TNK1: variants seen among roughly 807,000 people sequenced by gnomAD.
TNK1 encodes tyrosine kinase non receptor 1.
TNK1 carries 53 observed loss-of-function variants against 65.2 expected under a neutral mutation model. That is an observed-to-expected ratio of 0.81 (90% CI 0.65 to 1.02). The LOEUF (loss-of-function observed/expected upper bound fraction) is 1.02. TNK1 is among the 50% of genes least tolerant of loss of function. The pLI, the probability that TNK1 is intolerant of heterozygous loss-of-function variation, is 0.00. For missense variants in TNK1, 837 were observed against 878.4 expected (o/e 0.95, Z 0.60); for synonymous variants, 353 against 364.6 (o/e 0.97, Z 0.36).
In TNK1 at chr17:7,382,351, A is replaced by G. The variant is rs780495064; in HGVS notation, c.-91-485A>G. The stretch of plus-strand genomic sequence containing the variant: ...GTAGGTCTCAGTGTGTGTGTGTGGC[A>G]GCATGTGGGAGGCAGTGTACCTTCG... On this transcript the variant is annotated intron_variant, in intron 1 of 12. Coordinates refer to ENST00000688331, the MANE Select transcript of TNK1 (RefSeq NM_003985.6). This position sits in a 1 kb window ranked among gnomAD's most constrained non-coding sequence, Gnocchi z 4.1. Among the ~76,000 whole-genome samples the G allele has an allele frequency of 5.3e-5, 8 of 151,722 alleles. No individual in the cohort carries two copies. Among genetic ancestry groups the G allele is most frequent in the African/African-American group, 1.5e-4 (6 of 41,286 alleles).
chr17:7,386,794 G>C, intron 8 of TNK1, 139 bp downstream of exon 8: 1 of 1,095,432 alleles, frequency 9.1e-7, no homozygotes, highest in Non-Finnish European at 1.3e-6. Context: ...GGTCCTGAAA[G>C]CTCCAGCATG....
At position 7,383,286 on chromosome 17, in the gene TNK1, G is replaced by A. The variant is rs374420688; in HGVS notation, c.200G>A (p.Arg67His). ...CTGTCCGAAGCTCTGAAAAGGCTACGTTCTGGGCCTAAGTCTAAGAACTGG... is the reference window on the plus strand; with the variant it reads ...CTGTCCGAAGCTCTGAAAAGGCTACATTCTGGGCCTAAGTCTAAGAACTGG... ...RRLSEALKRLRSGPKSKNWVY... is the reference protein window; with the variant it reads ...RRLSEALKRLHSGPKSKNWVY... Residue 67 changes from arginine (R) to histidine (H), a missense_variant, in exon 3 of 13, where the codon CGT (arginine) becomes CAT (histidine). Arg to His is a conservative substitution (Grantham distance 29). Coordinates refer to ENST00000688331, the MANE Select transcript of TNK1 (RefSeq NM_003985.6). The A allele has an allele frequency of 1.4e-5, 22 of 1,613,926 alleles. No individual in the cohort carries two copies. Among genetic ancestry groups the A allele is most frequent in the Admixed American group, 3.3e-5 (2 of 59,998 alleles).
chr17:7,380,595 C>T (rs923571996), upstream of TNK1: 3 of 152,312 alleles, frequency 2.0e-5, no homozygotes, highest in Non-Finnish European at 2.9e-5. Flanking sequence ...GCATCAACAT[C>T]TCTCTGCCCT....
At position 7,383,007 on chromosome 17, in the gene TNK1, TGAG is replaced by T. The variant is rs766030944; in HGVS notation, c.85_87del (p.Glu29del). 13 of 1,613,648 alleles carry T rather than the reference TGAG, an allele frequency of 8.1e-6. No individual in the cohort carries two copies. The highest frequency in any genetic ancestry group is 1.7e-5 in the Admixed American group (1 of 59,978). ...TGGCCCAGTTTTACTGGCCCATCCT[TGAG>T]GAGCTTAATGTCACTCGGCCAGAGC... On this transcript the variant is annotated inframe_deletion, in exon 2 of 13. Coordinates refer to ENST00000688331, the MANE Select transcript of TNK1 (RefSeq NM_003985.6).
In TNK1 at chr17:7,388,830, A is replaced by C; in HGVS notation, c.1819A>C (p.Thr607Pro). The C allele has an allele frequency of 1.2e-6, 2 of 1,608,120 alleles. No homozygotes were observed. The highest frequency in any genetic ancestry group is 1.7e-6 in the Non-Finnish European group (2 of 1,177,230). Reference protein sequence around the residue: ...VHGVTHQECQTALGATGGDVV... With the variant: ...VHGVTHQECQPALGATGGDVV... ...TGGGGTCACCCACCAGGAGTGCCAG[A>C]CAGCACTAGGAGCCACTGGGGGAGA... The change falls in exon 12 of 13, where the codon ACA (threonine) becomes CCA (proline). Residue 607 changes from threonine to proline, a missense_variant. Thr to Pro is a conservative substitution (Grantham distance 38). Coordinates refer to ENST00000688331, the MANE Select transcript of TNK1 (RefSeq NM_003985.6). The surrounding 1 kb of genome is among the most constrained non-coding windows in gnomAD (Gnocchi z 4.5).
At position 7,389,093 on chromosome 17, in the gene TNK1, T is replaced by C; in HGVS notation, c.*9T>C. On this transcript the variant is annotated 3_prime_UTR_variant, in exon 13 of 13. Transcript: ENST00000688331. ...TCCTGGCCAGGCCCTGAGCTCAGCT[T>C]CTGCGGGCACAGACACCAGCATGAA... 3.2e-6 allele frequency: 5 copies of C among 1,548,188 alleles called. No individual in the cohort carries two copies. Among genetic ancestry groups the C allele is most frequent in the Non-Finnish European group, 4.4e-6 (5 of 1,144,010 alleles).
At position 7,383,319 on chromosome 17, in the gene TNK1, A is replaced by T. The variant is rs769869038; in HGVS notation, c.233A>T (p.Lys78Met). 1.2e-6 allele frequency: 2 copies of T among 1,613,934 alleles called. No homozygotes were observed. The highest frequency in any genetic ancestry group is 2.2e-5 in the South Asian group (2 of 91,082). Residue 78 changes from lysine to methionine, a missense_variant and splice_region_variant, in exon 3 of 13, where the codon AAG becomes ATG. Lys to Met is a moderately conservative substitution (Grantham distance 95, BLOSUM62 -1). Coordinates refer to ENST00000688331, the MANE Select transcript of TNK1 (RefSeq NM_003985.6). ...SGPKSKNWVY[K>M]ILGGFAPEHK... ...CCTAAGTCTAAGAACTGGGTCTACA[A>T]GGTGTGTGTTGTAGGTGGGCAGCTT...
At chr17:7,383,646 G>A (rs200326549) in intron 4 of TNK1, 30 bp downstream of exon 4, 29 of 1,595,968 alleles carry the variant, frequency 1.8e-5, no homozygotes, top group Non-Finnish European at 2.5e-5. Context: ...GCTTCATCCA[G>A]GCCAGCTGCC....
At chr17:7,385,194 G>A (rs926536744) in intron 7 of TNK1, among the ~76,000 whole-genome samples, 6 of 151,924 alleles carry the variant, frequency 3.9e-5, no homozygotes, top group South Asian at 4.2e-4. Context: ...GAGAAACCCC[G>A]TCTCTACTAA....
chr17:7,389,116 G>A lies in TNK1; in HGVS notation c.*32G>A, dbSNP rs1905416476. 1.3e-6 allele frequency: 2 copies of A among 1,526,156 alleles called. No homozygotes were observed. The highest frequency in any genetic ancestry group is 1.8e-6 in the Non-Finnish European group (2 of 1,125,080). 94.5% of individuals were successfully genotyped at this position (1,526,156 alleles called of 1,614,324 possible). A position where few individuals can be genotyped will look rare whatever the true frequency, so the allele number is the denominator to read the frequency against. On this transcript the variant is annotated 3_prime_UTR_variant, in exon 13 of 13. Coordinates refer to ENST00000688331, the MANE Select transcript of TNK1 (RefSeq NM_003985.6). ...CTTCTGCGGGCACAGACACCAGCAT[G>A]AAAAGCCTAGGCCCCTGAGGGCCTG...
Position 7,388,946 on chromosome 17 carries a change from G to A in TNK1, c.1873-25G>A. On this transcript the variant is annotated intron_variant, in intron 12 of 12. Coordinates refer to ENST00000688331, the MANE Select transcript of TNK1 (RefSeq NM_003985.6). This position sits in a 1 kb window ranked among gnomAD's most constrained non-coding sequence, Gnocchi z 4.5. ...TGCCCCTGCCGCCTGGCAGTCAGCT[G>A]CAACCCACCCTCCTGCTTCCACAGG... The A allele has an allele frequency of 6.4e-7, 1 of 1,555,328 alleles. No homozygotes were observed. The highest frequency in any genetic ancestry group is 8.7e-7 in the Non-Finnish European group (1 of 1,148,814).
intron 7 of TNK1, among the ~76,000 whole-genome samples, chr17:7,385,983 G>A (rs1368149425): frequency 6.6e-6 from 1 of 152,180 alleles, no homozygotes; most frequent in African/African-American, 2.4e-5. Flanking sequence ...CAGTCAGTTT[G>A]ACTTCAGAGC....
In TNK1 at chr17:7,385,679, T is replaced by C. The variant is rs529475472; in HGVS notation, c.1138-882T>C. On this transcript the variant is annotated intron_variant, in intron 7 of 12. Coordinates refer to ENST00000688331, the MANE Select transcript of TNK1 (RefSeq NM_003985.6). Reference sequence around the variant, plus strand: ...TCCTGGGTTCAAGCAATTCTCCTGTTTCAGCCTCCCGAGTAGCTGGGATTA... The same window carrying C: ...TCCTGGGTTCAAGCAATTCTCCTGTCTCAGCCTCCCGAGTAGCTGGGATTA... 6.2e-3 allele frequency among the ~76,000 whole-genome samples: 938 copies of C among 152,008 alleles called. 3 individuals carry two copies. Among genetic ancestry groups the C allele is most frequent in the Middle Eastern group, 0.014 (4 of 292 alleles).
At position 7,387,071 on chromosome 17, in the gene TNK1, A is replaced by T. The variant is rs982712383; in HGVS notation, c.1314A>T (p.Ala438=). 1.2e-6 allele frequency: 2 copies of T among 1,612,984 alleles called. No individual in the cohort carries two copies. Among genetic ancestry groups the T allele is most frequent in the Non-Finnish European group, 1.7e-6 (2 of 1,179,594 alleles). ...GSFPASAVTL[A]DAGGLPATRP... The stretch of plus-strand genomic sequence containing the variant: ...TCCCAGCCTCGGCAGTGACGCTGGC[A>T]GATGCGGGGGGCTTGCCAGCCACCC... The change falls in exon 9 of 13, where the codon GCA becomes GCT. Residue 438 remains alanine, a synonymous_variant. Transcript: ENST00000688331.
At position 7,382,159 on chromosome 17, in the gene TNK1, G is replaced by C. The variant is rs1275767767; in HGVS notation, c.-91-677G>C. On this transcript the variant is annotated intron_variant, in intron 1 of 12. Coordinates refer to ENST00000688331, the MANE Select transcript of TNK1 (RefSeq NM_003985.6). This position sits in a 1 kb window ranked among gnomAD's most constrained non-coding sequence, Gnocchi z 4.1. Reference sequence around the variant, plus strand: ...CACGCGCCTGTAGTCCCAGCTACTTGGGAGGCTGAGGCAGAAGAATTGCTT... The same window carrying C: ...CACGCGCCTGTAGTCCCAGCTACTTCGGAGGCTGAGGCAGAAGAATTGCTT... Among the ~76,000 whole-genome samples, 3 of 152,148 alleles carry C rather than the reference G, an allele frequency of 2.0e-5. No individual in the cohort carries two copies. Among genetic ancestry groups the C allele is most frequent in the African/African-American group, 7.2e-5 (3 of 41,428 alleles).
rs781321814 is a variant in TNK1 at position 7,383,501 on chromosome 17, A to AG, written c.317dup (p.Leu107ProfsTer157). ...AGCCCACGGCACCTCCCTGAGCCAG[A>AG]GGGGGGCCTCAAGTGTCTGATCCCA... On this transcript the variant is annotated frameshift_variant, in exon 4 of 13. Transcript: ENST00000688331. LOFTEE classifies it high-confidence loss of function. 1.7e-4 allele frequency: 268 copies of AG among 1,613,696 alleles called. No individual in the cohort carries two copies. Among genetic ancestry groups the AG allele is most frequent in the Non-Finnish European group, 2.2e-4 (261 of 1,179,872 alleles).
At chr17:7,381,544 ACT>A (rs1038389874) in intron 1 of TNK1, among the ~76,000 whole-genome samples, 1 of 152,136 alleles carries the variant, frequency 6.6e-6, no homozygotes, top group African/African-American at 2.4e-5. Flanking sequence ...AGACCGAGTG[ACT>A]CAGGCTGCCA....
At position 7,384,088 on chromosome 17, in the gene TNK1, C is replaced by A; in HGVS notation, c.701C>A (p.Ala234Glu). ...CTGCGGCAGCTGGCGGGAGCCATGG[C>A]GTACCTGGGGGCCCGCGGGCTGGTG... Reference protein sequence around the residue: ...LFLRQLAGAMAYLGARGLVHR... With the variant: ...LFLRQLAGAMEYLGARGLVHR... Residue 234 changes from alanine to glutamate, a missense_variant, in exon 6 of 13, where the codon GCG becomes GAG. Physicochemically the swap from Ala to Glu is moderately radical, Grantham distance 107. Coordinates refer to ENST00000688331, the MANE Select transcript of TNK1 (RefSeq NM_003985.6). The A allele has an allele frequency of 6.5e-7, 1 of 1,542,914 alleles. No homozygotes were observed. The highest frequency in any genetic ancestry group is 8.7e-7 in the Non-Finnish European group (1 of 1,151,966).
rs1321604551 is a variant in TNK1 at position 7,389,188 on chromosome 17, G to C, written c.*104G>C. The C allele has an allele frequency of 1.1e-6, 1 of 935,782 alleles. No homozygotes were observed. Among genetic ancestry groups the C allele is most frequent in the Non-Finnish European group, 1.6e-6 (1 of 620,990 alleles). 58.0% of individuals were successfully genotyped at this position (935,782 alleles called of 1,614,324 possible). ...CCAGAACAAGGTCCCGACAGGGGTA[G>C]ACGTTCCACCTGGGGAGATCCCACC... On this transcript the variant is annotated 3_prime_UTR_variant, in exon 13 of 13. Coordinates refer to ENST00000688331, the MANE Select transcript of TNK1 (RefSeq NM_003985.6).
Sources: gnomAD v4.1 joint callset for allele counts (sites outside exome capture counted in the v4.1 genomes callset) on GRCh38, gnomAD v4.1.1 for gene constraint, Gnocchi (gnomAD v3.1) non-coding constraint, MANE v1.5 for transcripts, NCBI Gene and HGNC (gene_info 2026-07-23, HGNC 2026-07-21) for gene names.